The following EEFSEC variants were observed in gnomAD, a reference collection of about 807,000 sequenced individuals.
EEFSEC encodes selenocysteine-specific elongation factor.
EEFSEC carries 43 observed loss-of-function variants against 42.1 expected under a neutral mutation model. The ratio of observed to expected loss-of-function variants is 1.02; its 90% CI spans 0.80 to 1.32. EEFSEC has a LOEUF of 1.32. Ranked by LOEUF, EEFSEC falls within the 40% of genes most tolerant of loss-of-function variation. The pLI is 0.00. For missense variants in EEFSEC, 745 were observed against 803.6 expected, an observed-to-expected ratio of 0.93 and a Z score of 0.88; for synonymous variants, 354 against 339.1, an observed-to-expected ratio of 1.04 and a Z score of -0.48.
intron 6 of EEFSEC, among the ~76,000 whole-genome samples, chr3:128,364,813 A>T (rs1402964544): frequency 6.6e-6 from 1 of 152,204 alleles, no homozygotes; most frequent in Non-Finnish European, 1.5e-5. Flanking sequence ...GCTGCCATTT[A>T]GTCTAGCCCT....
intron 6 of EEFSEC, among the ~76,000 whole-genome samples, chr3:128,377,335 C>A (rs988854716): frequency 1.3e-5 from 2 of 152,144 alleles, no homozygotes; most frequent in South Asian, 4.1e-4. Flanking sequence ...GCCTGGGCTC[C>A]GGGCTCAGAC....
rs534678215 is a variant in EEFSEC at position 128,153,492 on chromosome 3, A to AGGCGGC, written c.-6_-1dup. 9.9e-5 allele frequency: 146 copies of AGGCGGC among 1,476,274 alleles called. No individual in the cohort carries two copies. Among genetic ancestry groups the AGGCGGC allele is most frequent in the Non-Finnish European group, 1.2e-4 (132 of 1,122,472 alleles). 91.4% of individuals were successfully genotyped at this position (1,476,274 alleles called of 1,614,324 possible). A position where few individuals can be genotyped will look rare whatever the true frequency, so the allele number is the denominator to read the frequency against. On this transcript the variant is annotated 5_prime_UTR_variant, in exon 1 of 7. Coordinates refer to ENST00000254730, the MANE Select transcript of EEFSEC (RefSeq NM_021937.5). ...GAGGGGCGGGCCGGGCGGGTGTCCG[A>AGGCGGC]GGCGGCGGCGGCGGCATGGCAGGGC... is the stretch of plus-strand genomic sequence containing the variant.
intron 6 of EEFSEC, among the ~76,000 whole-genome samples, chr3:128,386,991 A>G (rs879411034): frequency 1.3e-4 from 20 of 152,202 alleles, no homozygotes; most frequent in Non-Finnish European, 2.1e-4. Context: ...GCCTCCTCCC[A>G]GGCAGGGCTG....
Position 128,153,802 on chromosome 3 carries a change from C to A in EEFSEC, c.295C>A (p.Leu99Ile). Reference protein sequence around the residue: ...TLVDCPGHASLIRTIIGGAQI... With the variant: ...TLVDCPGHASIIRTIIGGAQI... The stretch of plus-strand genomic sequence containing the variant: ...GGTCGACTGCCCCGGGCACGCCTCC[C>A]TCATCCGGACCATCATCGGCGGTGA... Residue 99 changes from leucine to isoleucine, a missense_variant, in exon 1 of 7, where the codon CTC (leucine) becomes ATC (isoleucine). By Grantham distance (5) the Leu-to-Ile change is conservative. Coordinates refer to ENST00000254730, the MANE Select transcript of EEFSEC (RefSeq NM_021937.5). 1 of 1,519,604 alleles carries A rather than the reference C, an allele frequency of 6.6e-7. No individual in the cohort carries two copies. Among genetic ancestry groups the A allele is most frequent in the Non-Finnish European group, 8.8e-7 (1 of 1,139,768 alleles). The allele number at this position is 1,519,604 out of a possible 1,614,324, so 94.1% of individuals were successfully genotyped here.
chr3:128,349,822 G>A (rs532246690), intron 5 of EEFSEC, among the ~76,000 whole-genome samples: 3 of 152,354 alleles, frequency 2.0e-5, no homozygotes, highest in Admixed American at 6.5e-5. Context: ...GGACATGGCA[G>A]GTATATGTGC....
At chr3:128,365,321 A>T (rs4277707) in intron 6 of EEFSEC, among the ~76,000 whole-genome samples, 19,434 of 152,154 alleles carry the variant, frequency 0.13, 1,399 homozygotes, top group South Asian at 0.21. Context: ...GACGGGTCAG[A>T]CGAGGCCAAG....
intron 4 of EEFSEC, among the ~76,000 whole-genome samples, chr3:128,266,787 AATCTAGTTT>A (rs1222003522): frequency 6.6e-6 from 1 of 152,046 alleles, no homozygotes; most frequent in African/African-American, 2.4e-5. Context: ...ACTTGAATAA[AATCTAGTTT>A]AAGCCAGGGA....
chr3:128,297,076 G>C (rs1378393405), intron 4 of EEFSEC, among the ~76,000 whole-genome samples: 3 of 152,120 alleles, frequency 2.0e-5, no homozygotes, highest in Non-Finnish European at 4.4e-5. Flanking sequence ...TAGTAGCATA[G>C]AGCTGGCCTC....
At chr3:128,418,171 G>A in the EEFSEC span, among the ~76,000 whole-genome samples, 2 of 151,978 alleles carry the variant, frequency 1.3e-5, no homozygotes, top group African/African-American at 2.4e-5. Flanking sequence ...TGATGCCCTC[G>A]TCCAGTCCTG....
chr3:128,264,899 C>T (rs1026617725), intron 4 of EEFSEC, 118 bp downstream of exon 4: 3 of 1,239,016 alleles, frequency 2.4e-6, no homozygotes, highest in Middle Eastern at 2.5e-4. Flanking sequence ...ACTCCCACTG[C>T]CTGCTCCGCC....
At chr3:128,381,058 C>A (rs1462659464) in intron 6 of EEFSEC, among the ~76,000 whole-genome samples, 1 of 152,218 alleles carries the variant, frequency 6.6e-6, no homozygotes, top group Non-Finnish European at 1.5e-5. Context: ...TTGGGCCTCC[C>A]CTAAGCAGAG....
chr3:128,231,670 C>CTGTGGGG (rs1240666018), intron 1 of EEFSEC, among the ~76,000 whole-genome samples: 1 of 151,976 alleles, frequency 6.6e-6, no homozygotes, highest in Non-Finnish European at 1.5e-5. Context: ...CCAACCCTGC[C>CTGTGGGG]CCAGGATCCA....
intron 4 of EEFSEC, among the ~76,000 whole-genome samples, chr3:128,286,338 G>T (rs1245235692): frequency 6.6e-6 from 1 of 152,184 alleles, no homozygotes. Flanking sequence ...TGATCCAGGC[G>T]GGAAGCAGGA....
intron 6 of EEFSEC, among the ~76,000 whole-genome samples, chr3:128,392,407 G>A (rs1330942281): frequency 2.0e-5 from 3 of 152,234 alleles, no homozygotes; most frequent in Non-Finnish European, 4.4e-5. Flanking sequence ...ATGCAGTCTT[G>A]CACAGACGGG....
intron 5 of EEFSEC, among the ~76,000 whole-genome samples, chr3:128,356,607 C>G (rs1036001441): frequency 1.3e-5 from 2 of 152,156 alleles, no homozygotes; most frequent in African/African-American, 4.8e-5. Context: ...ATTCTATTAA[C>G]TTATTTGTAA....
intron 1 of EEFSEC, among the ~76,000 whole-genome samples, chr3:128,245,822 C>T (rs2066120920): frequency 6.6e-6 from 1 of 151,774 alleles, no homozygotes; most frequent in South Asian, 2.1e-4. Context: ...TCAGAGTGCC[C>T]GAAAAAAGAA....
chr3:128,420,957 G>A, the EEFSEC span, among the ~76,000 whole-genome samples: 10 of 152,210 alleles, frequency 6.6e-5, no homozygotes, highest in East Asian at 1.6e-3. Context: ...ACCACCTCTC[G>A]GGACAAGGAG....
At chr3:128,386,200 A>G (rs77282209) in intron 6 of EEFSEC, among the ~76,000 whole-genome samples, 1,647 of 152,184 alleles carry the variant, frequency 0.011, 20 homozygotes, top group African/African-American at 0.038. Context: ...GAGATTTGAG[A>G]GTTTTGATGG....
intron 1 of EEFSEC, among the ~76,000 whole-genome samples, chr3:128,157,935 A>G (rs533954861): frequency 1.6e-4 from 25 of 152,368 alleles, no homozygotes; most frequent in African/African-American, 5.0e-4. Context: ...GATCTGGACA[A>G]AGTAAATTGA....
Sources: allele counts gnomAD v4.1 joint callset (sites outside exome capture counted in the v4.1 genomes callset), GRCh38; gene constraint gnomAD v4.1.1; transcripts MANE v1.5; gene names NCBI Gene and HGNC (gene_info 2026-07-23, HGNC 2026-07-21).